Variants in DGLUCY observed in about 807,000 individuals in gnomAD.
The protein encoded by DGLUCY is D-glutamate cyclase, mitochondrial.
A neutral mutation model predicts 58.5 loss-of-function variants in DGLUCY; 58 were observed. The observed-to-expected ratio is 0.99, with a 90% CI of 0.80 to 1.23. The LOEUF (loss-of-function observed/expected upper bound fraction) is 1.23. DGLUCY is among the 50% of genes most tolerant of loss of function. DGLUCY has a pLI of 0.00. For missense variants in DGLUCY, 779 were observed against 784.7 expected (o/e 0.99, Z 0.09); for synonymous variants, 325 against 314.1 (o/e 1.03, Z -0.37).
chr14:91,202,058 AAATAAT>A lies in DGLUCY; in HGVS notation c.1444+2175_1444+2180del, dbSNP rs10523866. Among the ~76,000 whole-genome samples the A allele has an allele frequency of 3.9e-3, 561 of 142,596 alleles. 8 individuals are homozygous for A. Among genetic ancestry groups the A allele is most frequent in the African/African-American group, 9.8e-3 (377 of 38,342 alleles). The allele number at this position is 142,596 out of a possible 152,430, so 93.5% of individuals were successfully genotyped here. A position where few individuals can be genotyped will look rare whatever the true frequency, so the allele number is the denominator to read the frequency against. ...CGACAAGAGCAAGACTCTGTCTCAA[AAATAAT>A]AATAATAATAATAATAATAATGTGA... On this transcript the variant is annotated intron_variant, in intron 11 of 13. Transcript: ENST00000256324.
At chr14:91,119,852 A>C (rs919054086) in intron 1 of DGLUCY, among the ~76,000 whole-genome samples, 4 of 152,174 alleles carry the variant, frequency 2.6e-5, no homozygotes, top group African/African-American at 9.7e-5. Flanking sequence ...TGAGTCTTTC[A>C]GTCTTCATCT....
At chr14:91,185,254 C>A (rs1290254338) in intron 8 of DGLUCY, among the ~76,000 whole-genome samples, 2 of 146,850 alleles carry the variant, frequency 1.4e-5, no homozygotes, top group Non-Finnish European at 3.0e-5. Context: ...CAGGTGTGAG[C>A]CACCGTGCCC....
chr14:91,065,072 C>T (rs1485363285), intron 1 of DGLUCY, among the ~76,000 whole-genome samples: 2 of 152,068 alleles, frequency 1.3e-5, no homozygotes, highest in African/African-American at 4.8e-5. Flanking sequence ...CTTAAATGTG[C>T]ACACATGTAG....
intron 10 of DGLUCY, among the ~76,000 whole-genome samples, chr14:91,197,169 G>A (rs2050270936): frequency 6.6e-6 from 1 of 152,190 alleles, no homozygotes; most frequent in Admixed American, 6.5e-5. Context: ...GTTTCACCAT[G>A]TTGGCCAGGC....
At chr14:91,137,872 G>A (rs892848225) in intron 1 of DGLUCY, among the ~76,000 whole-genome samples, 2 of 152,080 alleles carry the variant, frequency 1.3e-5, no homozygotes, top group African/African-American at 4.8e-5. Flanking sequence ...AGGAGAGATG[G>A]AGACAGGAAA....
At chr14:91,127,421 G>A (rs1219359283) in intron 1 of DGLUCY, among the ~76,000 whole-genome samples, 2 of 152,236 alleles carry the variant, frequency 1.3e-5, no homozygotes, top group African/African-American at 4.8e-5. Context: ...AAGTCATGCT[G>A]TAGAATCTGG....
intron 9 of DGLUCY, among the ~76,000 whole-genome samples, chr14:91,192,095 G>C (rs936160004): frequency 6.6e-6 from 1 of 152,182 alleles, no homozygotes; most frequent in African/African-American, 2.4e-5. Context: ...ATTTGCGACA[G>C]TCATGAGGTG....
At chr14:91,165,682 G>A (rs2048241439) in intron 3 of DGLUCY, among the ~76,000 whole-genome samples, 1 of 152,198 alleles carries the variant, frequency 6.6e-6, no homozygotes, top group Non-Finnish European at 1.5e-5. Context: ...CAAGGTGATG[G>A]ATACCACTAC....
intron 9 of DGLUCY, among the ~76,000 whole-genome samples, chr14:91,189,488 G>A (rs1187659443): frequency 6.6e-6 from 1 of 152,194 alleles, no homozygotes; most frequent in Non-Finnish European, 1.5e-5. Context: ...ATCCGGGGCA[G>A]CCCTGGACCA....
At chr14:91,062,558 AATATATATATATAT>A (rs1157690131) in intron 1 of DGLUCY, among the ~76,000 whole-genome samples, 3 of 23,694 alleles carry the variant, frequency 1.3e-4, no homozygotes, top group African/African-American at 5.9e-4. Flanking sequence ...AAAAAAAAAA[AATATATATATATAT>A]ATATATATAT....
intron 1 of DGLUCY, among the ~76,000 whole-genome samples, chr14:91,090,496 AAAC>A (rs1355617237): frequency 1.3e-5 from 2 of 152,214 alleles, no homozygotes; most frequent in African/African-American, 2.4e-5. Context: ...TCTGGGCTGA[AAAC>A]AACAGGGAGT....
At chr14:91,120,869 C>T (rs1176645791) in intron 1 of DGLUCY, among the ~76,000 whole-genome samples, 1 of 152,186 alleles carries the variant, frequency 6.6e-6, no homozygotes, top group African/African-American at 2.4e-5. Context: ...CAAATACTTA[C>T]GACAGAGGGT....
chr14:91,156,457 C>T (rs1188327050), intron 1 of DGLUCY, among the ~76,000 whole-genome samples: 2 of 152,186 alleles, frequency 1.3e-5, no homozygotes, highest in African/African-American at 4.8e-5. Context: ...GCTGTGTACT[C>T]AGTCACTGTT....
intron 8 of DGLUCY, among the ~76,000 whole-genome samples, chr14:91,183,975 A>C (rs578105529): frequency 6.6e-6 from 1 of 152,112 alleles, no homozygotes; most frequent in South Asian, 2.1e-4. Flanking sequence ...GAATGACTGG[A>C]GAGGAGAAGG....
chr14:91,209,215 A>G (rs567728009), intron 12 of DGLUCY, among the ~76,000 whole-genome samples: 1 of 152,300 alleles, frequency 6.6e-6, no homozygotes, highest in Admixed American at 6.5e-5. Context: ...GTAAGCCGAG[A>G]TAATGCCACT....
intron 3 of DGLUCY, among the ~76,000 whole-genome samples, chr14:91,165,700 C>A (rs2048243197): frequency 6.6e-6 from 1 of 152,196 alleles, no homozygotes; most frequent in Non-Finnish European, 1.5e-5. Flanking sequence ...TACCCACCCA[C>A]AAGAATGGCT....
chr14:91,162,215 A>G (rs924715713), intron 3 of DGLUCY, among the ~76,000 whole-genome samples: 38 of 152,094 alleles, frequency 2.5e-4, no homozygotes, highest in Non-Finnish European at 1.0e-4. Context: ...CAGCTGGGAA[A>G]CTCCAGCTTG....
rs114866565 is a variant in DGLUCY, at chr14:91,177,776, G to A, written c.730+1720G>A. Among the ~76,000 whole-genome samples, 387 of 152,358 alleles carry A rather than the reference G, an allele frequency of 2.5e-3. 1 individual carries two copies. The highest frequency in any genetic ancestry group is 8.7e-3 in the African/African-American group (360 of 41,584). On this transcript the variant is annotated intron_variant, in intron 7 of 13. Coordinates refer to ENST00000256324, the MANE Select transcript of DGLUCY (RefSeq NM_001102368.3). ...ATCATCCCTAATGTGGTGATGAGGC[G>A]TGGCTGCCAAGATCCACAGGATTCC... is the stretch of plus-strand genomic sequence containing the variant.
At chr14:91,186,508 T>TC (rs2049533995) in intron 8 of DGLUCY, among the ~76,000 whole-genome samples, 1 of 152,102 alleles carries the variant, frequency 6.6e-6, no homozygotes, top group African/African-American at 2.4e-5. Flanking sequence ...AGGTGATCCA[T>TC]CTGCCTCAGC....
Sources: gnomAD v4.1 joint callset for allele counts (sites outside exome capture counted in the v4.1 genomes callset) on GRCh38, gnomAD v4.1.1 for gene constraint, MANE v1.5 for transcripts, NCBI Gene and HGNC (gene_info 2026-07-23, HGNC 2026-07-21) for gene names.